The following RARB variants were observed in gnomAD, a reference collection of about 807,000 sequenced individuals.
RARB encodes the protein retinoic acid receptor beta, also known as HBV-activated protein.
A neutral mutation model predicts 51.9 loss-of-function variants in RARB; 17 were observed. The observed-to-expected ratio is 0.33, with a 90% CI of 0.22 to 0.49. RARB has a LOEUF of 0.49. RARB is among the 20% of genes least tolerant of loss of function. The probability of loss-of-function intolerance (pLI) is 0.99; values close to 1 mark genes in which losing one functional copy is unlikely to be tolerated. For missense variants in RARB, 369 were observed against 550.8 expected, an observed-to-expected ratio of 0.67 and a Z score of 3.30; for synonymous variants, 215 against 195.4, an observed-to-expected ratio of 1.10 and a Z score of -0.84.
intron 5 of RARB, among the ~76,000 whole-genome samples, chr3:25,190,451 T>C (rs1395225689): frequency 6.6e-6 from 1 of 152,140 alleles, no homozygotes; most frequent in Non-Finnish European, 1.5e-5. Flanking sequence ...GTATTTCTAA[T>C]CTTACTGTGG....
intron 3 of RARB, among the ~76,000 whole-genome samples, chr3:25,081,896 G>T (rs952137602): frequency 6.6e-6 from 1 of 151,566 alleles, no homozygotes; most frequent in East Asian, 1.9e-4. Flanking sequence ...GCCTCCCAAA[G>T]TGCTGGGATT....
intron 2 of RARB, among the ~76,000 whole-genome samples, chr3:25,000,805 C>T (rs1270695860): frequency 6.6e-6 from 1 of 152,160 alleles, no homozygotes; most frequent in African/African-American, 2.4e-5. Flanking sequence ...CTACAGTTCA[C>T]ACCAGCTTAC....
intron 4 of RARB, among the ~76,000 whole-genome samples, chr3:25,148,779 C>T (rs1171969006): frequency 6.6e-6 from 1 of 152,140 alleles, no homozygotes; most frequent in Non-Finnish European, 1.5e-5. Context: ...ATCACAGAGC[C>T]TTGTACCTTG....
At chr3:25,282,517 T>C (rs923637304) in intron 5 of RARB, among the ~76,000 whole-genome samples, 2 of 152,226 alleles carry the variant, frequency 1.3e-5, no homozygotes, top group African/African-American at 4.8e-5. Context: ...ATATATCATG[T>C]ATTCCCACAC....
intron 5 of RARB, among the ~76,000 whole-genome samples, chr3:25,588,604 T>C (rs1213505262): frequency 6.6e-6 from 1 of 152,224 alleles, no homozygotes; most frequent in East Asian, 1.9e-4. Flanking sequence ...AATCTGGTAC[T>C]GACTTCATTG....
intron 5 of RARB, among the ~76,000 whole-genome samples, chr3:25,224,465 A>G (rs1702011370): frequency 6.6e-6 from 1 of 152,214 alleles, no homozygotes; most frequent in African/African-American, 2.4e-5. Context: ...AGTCTCCTGG[A>G]AATCACAATG....
intron 3 of RARB, among the ~76,000 whole-genome samples, chr3:25,530,414 G>T (rs1355492980): frequency 6.6e-6 from 1 of 152,178 alleles, no homozygotes; most frequent in Non-Finnish European, 1.5e-5. Flanking sequence ...AGTTCTGGAG[G>T]TCTGACGTCC....
At chr3:25,589,325 AAGG>A (rs749968343) in intron 5 of RARB, among the ~76,000 whole-genome samples, 30 of 152,334 alleles carry the variant, frequency 2.0e-4, no homozygotes, top group Non-Finnish European at 3.8e-4. Context: ...GAGCAAAGGA[AAGG>A]AGGAGTAGTT....
intron 5 of RARB, among the ~76,000 whole-genome samples, chr3:25,276,861 G>C (rs902256315): frequency 6.6e-6 from 1 of 151,940 alleles, no homozygotes; most frequent in Non-Finnish European, 1.5e-5. Context: ...TGACTAATAC[G>C]GTATATATTG....
chr3:25,219,575 C>G (rs553949131), intron 5 of RARB, among the ~76,000 whole-genome samples: 1 of 152,256 alleles, frequency 6.6e-6, no homozygotes, highest in South Asian at 2.1e-4. Flanking sequence ...GTGCCTGTTC[C>G]TTTGTTGCTG....
chr3:25,032,148 T>A (rs530980928), intron 2 of RARB, among the ~76,000 whole-genome samples: 1 of 152,340 alleles, frequency 6.6e-6, no homozygotes, highest in African/African-American at 2.4e-5. Flanking sequence ...TTACTAATTG[T>A]TTCCCTCTGC....
At chr3:25,471,785 G>T (rs1443132936) in intron 2 of RARB, among the ~76,000 whole-genome samples, 2 of 152,132 alleles carry the variant, frequency 1.3e-5, no homozygotes, top group Non-Finnish European at 2.9e-5. Flanking sequence ...CTAAAGGTCT[G>T]CTATTATTGC....
At chr3:25,105,311 G>C (rs772926666) in intron 3 of RARB, among the ~76,000 whole-genome samples, 3 of 151,768 alleles carry the variant, frequency 2.0e-5, no homozygotes, top group Non-Finnish European at 4.4e-5. Flanking sequence ...CTGTAAAAAG[G>C]GCAGGGGAGA....
At chr3:25,284,660 T>C (rs1703605979) in intron 5 of RARB, among the ~76,000 whole-genome samples, 1 of 151,876 alleles carries the variant, frequency 6.6e-6, no homozygotes, top group South Asian at 2.1e-4. Flanking sequence ...ATAAAACCAT[T>C]TGGATGTGCA....
intron 5 of RARB, among the ~76,000 whole-genome samples, chr3:25,592,719 T>G (rs938610187): frequency 6.6e-6 from 1 of 152,158 alleles, no homozygotes; most frequent in Non-Finnish European, 1.5e-5. Context: ...TCTGGCAGAG[T>G]GACTCAGGCT....
intron 2 of RARB, among the ~76,000 whole-genome samples, chr3:25,480,435 C>T (rs1696168575): frequency 1.3e-5 from 2 of 152,176 alleles, no homozygotes; most frequent in African/African-American, 2.4e-5. Context: ...CTTCTCTTTC[C>T]CTTTCCCTTT....
chr3:25,334,762 TGA>T (rs1388706802), intron 5 of RARB, among the ~76,000 whole-genome samples: 3 of 152,046 alleles, frequency 2.0e-5, no homozygotes, highest in Admixed American at 6.6e-5. Context: ...AGGAAAAAAA[TGA>T]GAGTTCATGT....
intron 5 of RARB, among the ~76,000 whole-genome samples, chr3:25,390,129 G>C (rs1706908825): frequency 6.6e-6 from 1 of 152,128 alleles, no homozygotes; most frequent in South Asian, 2.1e-4. Flanking sequence ...GACATTAAGA[G>C]GTGGGACTTT....
chr3:25,060,352 C>G (rs1394550164), intron 3 of RARB, among the ~76,000 whole-genome samples: 1 of 151,756 alleles, frequency 6.6e-6, no homozygotes, highest in Non-Finnish European at 1.5e-5. Flanking sequence ...AAAAATGGTT[C>G]TATAAATGGT....
Sources: allele counts gnomAD v4.1 joint callset (sites outside exome capture counted in the v4.1 genomes callset), GRCh38; gene constraint gnomAD v4.1.1; transcripts MANE v1.5; gene names NCBI Gene and HGNC (gene_info 2026-07-23, HGNC 2026-07-21).